PDPK1: variants seen among roughly 807,000 people sequenced by gnomAD.
The protein encoded by PDPK1 is 3-phosphoinositide-dependent protein kinase 1.
Under a neutral mutation model 39.8 loss-of-function variants are expected in PDPK1, and 7 were observed. The observed-to-expected ratio is 0.18, with a 90% confidence interval of 0.10 to 0.33. The LOEUF is 0.33. Ranked by LOEUF, PDPK1 falls within the 10% of genes least tolerant of loss-of-function variation. PDPK1 has a pLI of 1.00. For missense variants in PDPK1, 182 were observed against 384.7 expected (o/e 0.47, Z 4.41); for synonymous variants, 118 against 159.1 (o/e 0.74, Z 1.95).
intron 1 of PDPK1, among the ~76,000 whole-genome samples, chr16:2,542,518 C>A (rs985171799): frequency 1.3e-5 from 2 of 152,090 alleles, no homozygotes; most frequent in African/African-American, 4.8e-5. Context: ...ACTGACAGTA[C>A]TGTAGAGCCT....
rs1299589162 is a variant in PDPK1 at position 2,602,505 on chromosome 16, C to T, written c.*4738C>T. 1 of 234,788 alleles carries T rather than the reference C, an allele frequency of 4.3e-6. No homozygotes were observed. The highest frequency in any genetic ancestry group is 2.2e-5 in the African/African-American group (1 of 45,342). 14.5% of individuals were successfully genotyped at this position (234,788 alleles called of 1,614,324 possible). A position where few individuals can be genotyped will look rare whatever the true frequency, so the allele number is the denominator to read the frequency against. On this transcript the variant is annotated 3_prime_UTR_variant, in exon 14 of 14. Coordinates refer to ENST00000342085, the MANE Select transcript of PDPK1 (RefSeq NM_002613.5). Reference sequence around the variant, plus strand: ...CAGAGAACTTTTTACAAAAGGCAGACCTTTTTTAAGCTGTGTAACCCACAT... The same window carrying T: ...CAGAGAACTTTTTACAAAAGGCAGATCTTTTTTAAGCTGTGTAACCCACAT...
chr16:2,592,970 TC>T (rs1318872329), intron 11 of PDPK1: 1 of 456,490 alleles, frequency 2.2e-6, no homozygotes, highest in Non-Finnish European at 4.4e-6. Flanking sequence ...GGCTTCAGTG[TC>T]CCTGGCATGG....
In PDPK1 at chr16:2,597,768, C is replaced by G. The variant is rs141708903; in HGVS notation, c.*1C>G. On this transcript the variant is annotated 3_prime_UTR_variant, in exon 14 of 14. Coordinates refer to ENST00000342085, the MANE Select transcript of PDPK1 (RefSeq NM_002613.5). The surrounding 1 kb of genome is among the most constrained non-coding windows in gnomAD (Gnocchi z 6.3). ...CCACCCGGACGCCGCTGTGCAGTGA[C>G]GTGGCCTGCGGCCGGGCTGCCCTTC... 4 of 1,601,456 alleles carry G rather than the reference C, an allele frequency of 2.5e-6. No homozygotes were observed. In the South Asian group the frequency reaches 3.3e-5, roughly 13 times the overall value.
At chr16:2,592,530 C>T (rs900527498) in intron 11 of PDPK1, 2 of 323,076 alleles carry the variant, frequency 6.2e-6, no homozygotes, top group Non-Finnish European at 1.2e-5. Flanking sequence ...CAAAAATTAG[C>T]TGGGCCTACT....
rs150485175 is a variant in PDPK1 at position 2,589,113 on chromosome 16, G to A, written c.1343+2220G>A. The stretch of plus-strand genomic sequence containing the variant: ...TGGGATTACAGGCACATGCCACCAC[G>A]TCCAGCTAATTTTTGTATTTTTAGT... On this transcript the variant is annotated intron_variant, in intron 11 of 13. Transcript: ENST00000342085. Among the ~76,000 whole-genome samples the A allele has an allele frequency of 3.3e-5, 5 of 152,132 alleles. No individual in the cohort carries two copies. The East Asian group carries it at 9.7e-4, about 29-fold the overall frequency.
rs1244674529 is a variant in PDPK1 at position 2,593,074 on chromosome 16, A to G, written c.1344-2719A>G. 9 of 455,630 alleles carry G rather than the reference A, an allele frequency of 2.0e-5. No homozygotes were observed. The highest frequency in any genetic ancestry group is 7.1e-5 in the Admixed American group (3 of 42,510). The allele number at this position is 455,630 out of a possible 1,614,324, so 28.2% of individuals were successfully genotyped here. On this transcript the variant is annotated intron_variant, in intron 11 of 13. Transcript: ENST00000342085. The surrounding 1 kb of genome is among the most constrained non-coding windows in gnomAD (Gnocchi z 4.2). ...GGAAGCGAGGCTACTTCTCAGTACT[A>G]TTTCCGAATCGCTTCCTCAGTGAGT...
At chr16:2,544,402 C>G (rs1420391733) in intron 1 of PDPK1, among the ~76,000 whole-genome samples, 1 of 152,216 alleles carries the variant, frequency 6.6e-6, no homozygotes. Context: ...AGGTCTGGCT[C>G]TGTCTCCTGG....
At chr16:2,538,637 C>T in intron 1 of PDPK1, 1 of 1,289,052 alleles carries the variant, frequency 7.8e-7, no homozygotes, top group Non-Finnish European at 1.0e-6. Flanking sequence ...TGACAGTGGT[C>T]GGGAAAACTC....
chr16:2,540,055 G>C (rs1240887669), intron 1 of PDPK1, among the ~76,000 whole-genome samples: 2 of 147,246 alleles, frequency 1.4e-5, no homozygotes, highest in Non-Finnish European at 2.9e-5. Context: ...CCATGTGTAC[G>C]TATGTGAGAA....
intron 7 of PDPK1, among the ~76,000 whole-genome samples, chr16:2,580,479 C>G (rs1014270074): frequency 1.5e-5 from 2 of 137,064 alleles, no homozygotes; most frequent in Non-Finnish European, 3.1e-5. Context: ...TCTAACTGAA[C>G]GTTTATTTGA....
Position 2,597,040 on chromosome 16 carries a change from G to T in PDPK1, c.1402-83G>T. 1.7e-6 allele frequency: 2 copies of T among 1,180,438 alleles called. No individual in the cohort carries two copies. The highest frequency in any genetic ancestry group is 2.4e-6 in the Non-Finnish European group (2 of 847,548). 73.1% of individuals were successfully genotyped at this position (1,180,438 alleles called of 1,614,324 possible). A position where few individuals can be genotyped will look rare whatever the true frequency, so the allele number is the denominator to read the frequency against. On this transcript the variant is annotated intron_variant, in intron 12 of 13. Coordinates refer to ENST00000342085, the MANE Select transcript of PDPK1 (RefSeq NM_002613.5). This position sits in a 1 kb window ranked among gnomAD's most constrained non-coding sequence, Gnocchi z 6.3. ...GTGGCCCTGTGTCCTGAGCAGCTCC[G>T]AGGGGCCGCCCAGCCCTCTAGGCTC... is the stretch of plus-strand genomic sequence containing the variant.
Position 2,602,594 on chromosome 16 carries a change from C to T in PDPK1, c.*4827C>T, listed in dbSNP as rs545414930. 78 of 234,278 alleles carry T rather than the reference C, an allele frequency of 3.3e-4. No individual in the cohort carries two copies. In the Middle Eastern group the frequency reaches 3.8e-3, roughly 11 times the overall value. The allele number at this position is 234,278 out of a possible 1,614,324, so 14.5% of individuals were successfully genotyped here. A position where few individuals can be genotyped will look rare whatever the true frequency, so the allele number is the denominator to read the frequency against. ...ATTGTGCTGGTAAAAGCCTCTATTA[C>T]GACTGTAAGTAAGTTGGATGTTGGC... On this transcript the variant is annotated 3_prime_UTR_variant, in exon 14 of 14. Transcript: ENST00000342085.
intron 1 of PDPK1, among the ~76,000 whole-genome samples, chr16:2,550,260 AAAC>A (rs2066389869): frequency 6.6e-6 from 1 of 150,378 alleles, no homozygotes; most frequent in Non-Finnish European, 1.5e-5. Context: ...TATTTATTTT[AAAC>A]AACAGCATTT....
At chr16:2,590,151 C>T (rs936490379) in intron 11 of PDPK1, among the ~76,000 whole-genome samples, 3 of 151,980 alleles carry the variant, frequency 2.0e-5, no homozygotes, top group African/African-American at 7.2e-5. Flanking sequence ...GGCGGAGTCT[C>T]CCTCTGTCGC....
At chr16:2,592,553 T>C in intron 11 of PDPK1, 1 of 342,742 alleles carries the variant, frequency 2.9e-6, no homozygotes, top group Non-Finnish European at 5.7e-6. Context: ...TGGGTACCTG[T>C]AATCCCAGCT....
intron 4 of PDPK1, chr16:2,562,378 GCCCAAGTGTCGTGGCCTC>G (rs1223767493): frequency 1.5e-5 from 2 of 131,988 alleles, no homozygotes; most frequent in Non-Finnish European, 3.2e-5. Context: ...CTCCAAGCTG[GCCCAAGTGTCGTGGCCTC>G]CCCATCCTGC....
Position 2,553,183 on chromosome 16 carries a change from GAAAA to G in PDPK1, c.25-4514_25-4511del, listed in dbSNP as rs1318107489. On this transcript the variant is annotated intron_variant, in intron 1 of 13. Coordinates refer to ENST00000342085, the MANE Select transcript of PDPK1 (RefSeq NM_002613.5). ...AGCTTTTTTTTTTAAAAAAAAAAAA[GAAAA>G]AAAAAGAAAAGAGAGCCTTGCTCTG... Among the ~76,000 whole-genome samples the G allele has an allele frequency of 7.0e-5, 9 of 128,664 alleles. 1 individual carries two copies. Among genetic ancestry groups the G allele is most frequent in the Admixed American group, 1.5e-4 (2 of 13,652 alleles). The allele number at this position is 128,664 out of a possible 152,430, so 84.4% of individuals were successfully genotyped here. A position where few individuals can be genotyped will look rare whatever the true frequency, so the allele number is the denominator to read the frequency against.
chr16:2,587,296 C>T (rs769513386), intron 11 of PDPK1, among the ~76,000 whole-genome samples: 3 of 152,058 alleles, frequency 2.0e-5, no homozygotes, highest in Non-Finnish European at 4.4e-5. Context: ...TGATGGAGGG[C>T]GTGCGTGTTT....
At chr16:2,555,517 CAG>C (rs1567150693) in intron 1 of PDPK1, 1 of 142,084 alleles carries the variant, frequency 7.0e-6, no homozygotes, top group Non-Finnish European at 1.5e-5. Context: ...GCCTGGGAGA[CAG>C]AGTGAGACCC....
Sources: allele counts gnomAD v4.1 joint callset (sites outside exome capture counted in the v4.1 genomes callset), GRCh38; gene constraint gnomAD v4.1.1; non-coding constraint Gnocchi (gnomAD v3.1); transcripts MANE v1.5; gene names NCBI Gene and HGNC (gene_info 2026-07-23, HGNC 2026-07-21).